The following HPSE2 variants were observed in gnomAD, a reference collection of about 807,000 sequenced individuals.
HPSE2 encodes heparanase 2 (inactive).
A neutral mutation model predicts 60.5 loss-of-function variants in HPSE2; 38 were observed. The observed-to-expected ratio is 0.63, with a 90% CI of 0.48 to 0.82. The LOEUF is 0.82. Among genes scored for constraint, HPSE2 ranks in the 40% least tolerant of loss-of-function variants. HPSE2 has a pLI of 0.00. For missense variants in HPSE2, 713 were observed against 740.4 expected (o/e 0.96, Z 0.43); for synonymous variants, 295 against 293.2 (o/e 1.01, Z -0.06).
chr10:98,908,250 C>CA (rs1265967017), intron 3 of HPSE2, among the ~76,000 whole-genome samples: 52 of 152,302 alleles, frequency 3.4e-4, no homozygotes, highest in African/African-American at 1.2e-3. Flanking sequence ...AAGAACCACT[C>CA]AAGTCACTCT....
intron 3 of HPSE2, among the ~76,000 whole-genome samples, chr10:98,995,294 A>G (rs1203558344): frequency 6.6e-6 from 1 of 152,136 alleles, no homozygotes; most frequent in African/African-American, 2.4e-5. Context: ...TGGTTTCCTT[A>G]CCTTTAAATG....
Position 98,802,730 on chromosome 10 carries a change from T to C in HPSE2, c.611-58674A>G, listed in dbSNP as rs1293055567. Among the ~76,000 whole-genome samples the C allele has an allele frequency of 1.2e-3, 177 of 148,536 alleles. 1 individual carries two copies. The highest frequency in any genetic ancestry group is 4.0e-3 in the African/African-American group (161 of 40,190). On this transcript the variant is annotated intron_variant, in intron 3 of 11. Coordinates refer to ENST00000370552, the MANE Select transcript of HPSE2 (RefSeq NM_021828.5). Reference sequence around the variant, plus strand: ...TAATCCAGTCTATCATTGTTGGACATTTGGGTTGGTTCCAAGTCTTTGCTA... The same window carrying C: ...TAATCCAGTCTATCATTGTTGGACACTTGGGTTGGTTCCAAGTCTTTGCTA...
At chr10:98,622,194 T>C (rs890219052) in intron 7 of HPSE2, among the ~76,000 whole-genome samples, 1 of 152,154 alleles carries the variant, frequency 6.6e-6, no homozygotes, top group Non-Finnish European at 1.5e-5. Context: ...GAATAGTCTT[T>C]AAAGGTTTAG....
At chr10:98,557,770 G>A (rs1944054307) in intron 9 of HPSE2, among the ~76,000 whole-genome samples, 1 of 152,142 alleles carries the variant, frequency 6.6e-6, no homozygotes, top group Admixed American at 6.5e-5. Flanking sequence ...CCAACATGGT[G>A]AAACCTTGTC....
intron 3 of HPSE2, among the ~76,000 whole-genome samples, chr10:98,958,944 T>C (rs1955578482): frequency 6.6e-6 from 1 of 152,124 alleles, no homozygotes; most frequent in Non-Finnish European, 1.5e-5. Flanking sequence ...TATGTGACCC[T>C]GGCTAGTTCC....
intron 3 of HPSE2, among the ~76,000 whole-genome samples, chr10:99,054,714 T>C (rs1958070020): frequency 1.3e-5 from 2 of 152,208 alleles, no homozygotes; most frequent in African/African-American, 4.8e-5. Context: ...GTTTTTTGTT[T>C]GTTTGTTCGT....
intron 3 of HPSE2, among the ~76,000 whole-genome samples, chr10:99,064,152 T>C (rs1842538895): frequency 6.6e-6 from 1 of 152,146 alleles, no homozygotes; most frequent in South Asian, 2.1e-4. Flanking sequence ...TAATGATATC[T>C]ATTCCAGGGA....
intron 9 of HPSE2, among the ~76,000 whole-genome samples, chr10:98,499,484 C>T (rs1342205050): frequency 1.3e-5 from 2 of 152,200 alleles, no homozygotes; most frequent in African/African-American, 2.4e-5. Context: ...GCCACCACTA[C>T]AAGAACTGCT....
intron 3 of HPSE2, among the ~76,000 whole-genome samples, chr10:98,858,975 C>G (rs191283885): frequency 6.6e-6 from 1 of 152,160 alleles, no homozygotes; most frequent in African/African-American, 2.4e-5. Flanking sequence ...ATTGCCCGGG[C>G]TGGAGTGCAG....
intron 9 of HPSE2, among the ~76,000 whole-genome samples, chr10:98,505,813 G>A (rs976799585): frequency 7.9e-5 from 12 of 151,972 alleles, no homozygotes; most frequent in Non-Finnish European, 1.2e-4. Flanking sequence ...GAAATGCCCC[G>A]TGTCCTGTAT....
chr10:98,952,318 G>C (rs1417925720), intron 3 of HPSE2, among the ~76,000 whole-genome samples: 2 of 37,234 alleles, frequency 5.4e-5, no homozygotes, highest in African/African-American at 1.0e-4. Context: ...ATTTGTTTGT[G>C]TGTGTGTGTG....
At chr10:98,572,466 C>A (rs1944524497) in intron 9 of HPSE2, among the ~76,000 whole-genome samples, 1 of 152,010 alleles carries the variant, frequency 6.6e-6, no homozygotes, top group Admixed American at 6.5e-5. Flanking sequence ...TTCTCTCCTT[C>A]CTGACCTGAT....
intron 5 of HPSE2, among the ~76,000 whole-genome samples, chr10:98,694,392 T>C (rs1334484340): frequency 1.3e-5 from 2 of 152,212 alleles, no homozygotes; most frequent in African/African-American, 2.4e-5. Context: ...AGAGCGAGCA[T>C]GGGAAAACCC....
intron 3 of HPSE2, among the ~76,000 whole-genome samples, chr10:99,042,919 C>T (rs1427786910): frequency 6.6e-6 from 1 of 152,164 alleles, no homozygotes; most frequent in East Asian, 1.9e-4. Flanking sequence ...TACTGGATCA[C>T]AGTCCAAACA....
rs562100195 is a variant in HPSE2 at position 99,224,872 on chromosome 10, G to A, written c.448+7476C>T. On this transcript the variant is annotated intron_variant, in intron 2 of 11. Coordinates refer to ENST00000370552, the MANE Select transcript of HPSE2 (RefSeq NM_021828.5). ...GTTTATTTACTGGCTTTTCTGATTC[G>A]CTGAAATTAATTAAGCCACCTCCAC... Among the ~76,000 whole-genome samples, 27 of 152,094 alleles carry A rather than the reference G, an allele frequency of 1.8e-4. No homozygotes were observed. In the South Asian group the frequency reaches 5.0e-3, roughly 28 times the overall value.
chr10:99,132,237 G>A (rs57476230), intron 3 of HPSE2, among the ~76,000 whole-genome samples: 9,598 of 19,014 alleles, frequency 0.5, 1,842 homozygotes, highest in Middle Eastern at 0.56. Context: ...GAGAGAGAGA[G>A]AGAGAGAAAG....
the HPSE2 span, among the ~76,000 whole-genome samples, chr10:99,315,269 C>T: frequency 1.3e-5 from 2 of 152,290 alleles, no homozygotes; most frequent in African/African-American, 2.4e-5. Context: ...GACAAGAGTA[C>T]GGGTACTGTT....
At chr10:99,006,697 A>G (rs1300885237) in intron 3 of HPSE2, among the ~76,000 whole-genome samples, 1 of 152,126 alleles carries the variant, frequency 6.6e-6, no homozygotes, top group Non-Finnish European at 1.5e-5. Flanking sequence ...GGTTGAACCT[A>G]CAGCCCAAGT....
chr10:98,742,321 T>C (rs947121396), intron 4 of HPSE2, among the ~76,000 whole-genome samples: 3 of 152,100 alleles, frequency 2.0e-5, no homozygotes, highest in African/African-American at 7.2e-5. Flanking sequence ...AGTTGGACAT[T>C]TATTCTTTTC....
Sources: allele counts gnomAD v4.1 joint callset (sites outside exome capture counted in the v4.1 genomes callset), GRCh38; gene constraint gnomAD v4.1.1; transcripts MANE v1.5; gene names NCBI Gene and HGNC (gene_info 2026-07-23, HGNC 2026-07-21).